The following EP400 variants were observed in gnomAD, a reference collection of about 807,000 sequenced individuals.
EP400 encodes E1A-binding protein p400.
A neutral mutation model predicts 354.1 loss-of-function variants in EP400; 105 were observed. The ratio of observed to expected loss-of-function variants is 0.30; its 90% CI spans 0.25 to 0.35. EP400 has a LOEUF of 0.35. EP400 is among the 10% of genes least tolerant of loss of function. The pLI, the probability that EP400 is intolerant of heterozygous loss-of-function variation, is 1.00. For missense variants in EP400, 3,280 were observed against 4,121.0 expected, an observed-to-expected ratio of 0.80 and a Z score of 5.59; for synonymous variants, 1,646 against 1,716.9, an observed-to-expected ratio of 0.96 and a Z score of 1.02.
chr12:132,064,741 C>T lies in EP400; in HGVS notation c.8408C>T (p.Ala2803Val), dbSNP rs375315669. Residue 2803 changes from alanine (A) to valine (V), a missense_variant, in exon 48 of 53, where the codon GCG becomes GTG. By Grantham distance (64) the Ala-to-Val change is moderately conservative (BLOSUM62 0). Around this residue, in one of 20 missense-constraint regions of EP400, gnomAD observed 86 missense variants for 66.4 expected, o/e 1.29. Coordinates refer to ENST00000389561, the MANE Select transcript of EP400 (RefSeq NM_015409.5). ...PQPPPPQAQS[A>V]PPQPTAQVQV... ...CCCCCACCGCCACAGGCCCAGTCTGCGCCCCCGCAGCCAACAGCCCAAGTG... is the reference window on the plus strand; with the variant it reads ...CCCCCACCGCCACAGGCCCAGTCTGTGCCCCCGCAGCCAACAGCCCAAGTG... 5.6e-5 allele frequency: 90 copies of T among 1,613,514 alleles called. No homozygotes were observed. Among genetic ancestry groups the T allele is most frequent in the Middle Eastern group, 3.3e-4 (2 of 6,076 alleles).
chr12:132,062,845 C>T (rs1054508383), intron 47 of EP400, 144 bp downstream of exon 47: 29 of 1,055,362 alleles, frequency 2.7e-5, no homozygotes, highest in Middle Eastern at 2.5e-4. Flanking sequence ...ACGCGTGCTT[C>T]GTTTTATTGG....
At chr12:131,952,730 G>A (rs1389351010) in intron 1 of EP400, among the ~76,000 whole-genome samples, 2 of 152,218 alleles carry the variant, frequency 1.3e-5, no homozygotes, top group Non-Finnish European at 1.5e-5. Context: ...GGAATTACAG[G>A]TTTGAGACAC....
chr12:132,053,111 C>G (rs377555564), intron 41 of EP400, 35 bp from the exon 42 acceptor site: 22 of 1,610,498 alleles, frequency 1.4e-5, no homozygotes, highest in Non-Finnish European at 1.9e-5. Context: ...TTAAAACTTG[C>G]CTGTATGTTT....
At chr12:132,034,484 G>A (rs1894627205) in intron 30 of EP400, among the ~76,000 whole-genome samples, 1 of 152,244 alleles carries the variant, frequency 6.6e-6, no homozygotes, top group Non-Finnish European at 1.5e-5. Context: ...ACACGGTTGG[G>A]TAAGGTGGTG....
intron 15 of EP400, among the ~76,000 whole-genome samples, chr12:132,010,377 A>G (rs1290953580): frequency 6.6e-6 from 1 of 152,014 alleles, no homozygotes; most frequent in Non-Finnish European, 1.5e-5. Flanking sequence ...GAGCCACTGC[A>G]TGCAGCCGGT....
intron 11 of EP400, among the ~76,000 whole-genome samples, chr12:131,993,109 ATT>A (rs1179731826): frequency 6.6e-6 from 1 of 152,110 alleles, no homozygotes; most frequent in Non-Finnish European, 1.5e-5. Flanking sequence ...TTGTGGTGGC[ATT>A]TTCAGGCCCC....
chr12:131,967,441 A>T (rs1021949616), intron 2 of EP400, among the ~76,000 whole-genome samples: 1 of 151,582 alleles, frequency 6.6e-6, no homozygotes, highest in African/African-American at 2.4e-5. Context: ...TAATCCCAGC[A>T]CTTTGGGAGG....
intron 12 of EP400, among the ~76,000 whole-genome samples, chr12:132,001,219 G>A (rs920053954): frequency 2.0e-5 from 3 of 152,014 alleles, no homozygotes; most frequent in Non-Finnish European, 2.9e-5. Flanking sequence ...GTCTGGCTGC[G>A]CTATTATTTA....
chr12:131,997,831 G>A (rs768329064), intron 12 of EP400, among the ~76,000 whole-genome samples: 4 of 152,122 alleles, frequency 2.6e-5, no homozygotes, highest in Non-Finnish European at 2.9e-5. Context: ...GTTGTCCACC[G>A]ATCAGCTATA....
rs1895939845 is a variant in EP400, at chr12:132,067,788, G to A, written c.8874+302G>A. ...TGCATGGCATTGGGACAGACACAGG[G>A]GGTGCAATTGCATGATGGGGGCCAG... is the stretch of plus-strand genomic sequence containing the variant. On this transcript the variant is annotated intron_variant, in intron 50 of 52. Coordinates refer to ENST00000389561, the MANE Select transcript of EP400 (RefSeq NM_015409.5). This position sits in a 1 kb window ranked among gnomAD's most constrained non-coding sequence, Gnocchi z 5.3. Among the ~76,000 whole-genome samples, 1 of 151,858 alleles carries A rather than the reference G, an allele frequency of 6.6e-6. No homozygotes were observed. The highest frequency in any genetic ancestry group is 2.1e-4 in the South Asian group (1 of 4,814).
At chr12:132,072,171 G>C (rs1393623070) in intron 51 of EP400, among the ~76,000 whole-genome samples, 1 of 152,184 alleles carries the variant, frequency 6.6e-6, no homozygotes, top group Non-Finnish European at 1.5e-5. Flanking sequence ...GTGTTGCCCA[G>C]GGTGGCCTCG....
intron 16 of EP400, 94 bp downstream of exon 16, chr12:132,011,728 A>ACGCC: frequency 7.2e-7 from 1 of 1,392,628 alleles, no homozygotes; most frequent in Non-Finnish European, 9.6e-7. Flanking sequence ...ATGCTTATTC[A>ACGCC]TGGAATTATT....
At chr12:132,036,112 C>T (rs974658021) in intron 30 of EP400, among the ~76,000 whole-genome samples, 4 of 149,598 alleles carry the variant, frequency 2.7e-5, no homozygotes, top group African/African-American at 9.9e-5. Flanking sequence ...AAGGACACAC[C>T]CGGGTTCACA....
chr12:131,961,528 C>CGGGGCTGGG lies in EP400; in HGVS notation c.912_920dup (p.Gly306_Ala308dup), dbSNP rs1566161465. ...AGAGGACACCCGGCGTGCTGCTCCC[C>CGGGGCTGGG]GGGGCTGGGGGCGCAGCGGGGTTTG... On this transcript the variant is annotated inframe_insertion, in exon 2 of 53. Transcript: ENST00000389561. 1 of 1,573,056 alleles carries CGGGGCTGGG rather than the reference C, an allele frequency of 6.4e-7. No homozygotes were observed. The highest frequency in any genetic ancestry group is 8.6e-7 in the Non-Finnish European group (1 of 1,158,252).
chr12:131,986,379 T>C (rs979601244), intron 5 of EP400, 135 bp from the exon 6 acceptor site: 1 of 794,516 alleles, frequency 1.3e-6, no homozygotes, highest in Admixed American at 2.6e-5. Context: ...ACGATGTGAT[T>C]TGTCTGCTTG....
chr12:132,004,972 C>T (rs1893531349), intron 12 of EP400, 105 bp from the exon 13 acceptor site: 5 of 784,956 alleles, frequency 6.4e-6, no homozygotes, highest in South Asian at 4.4e-5. Context: ...TGAGAGGGAG[C>T]CCCTTGCCCT....
At chr12:132,058,117 G>T (rs1895573764) in intron 45 of EP400, among the ~76,000 whole-genome samples, 1 of 151,816 alleles carries the variant, frequency 6.6e-6, no homozygotes, top group Non-Finnish European at 1.5e-5. Context: ...GTCATCCACA[G>T]AACTGGCCCT....
chr12:132,048,110 C>A (rs951519947), intron 39 of EP400, among the ~76,000 whole-genome samples: 1 of 152,112 alleles, frequency 6.6e-6, no homozygotes, highest in African/African-American at 2.4e-5. Context: ...TCATATTGTT[C>A]AAACACACAT....
In EP400 at chr12:131,989,949, AC is replaced by A. The variant is rs1566175617; in HGVS notation, c.2410-14del. Reference sequence around the variant, plus strand: ...ATAGAGTACAACATACAATTCTTGCACTTTTATTCACCAGCTCGTTAGAACT... The same window carrying A: ...ATAGAGTACAACATACAATTCTTGCATTTTATTCACCAGCTCGTTAGAACT... On this transcript the variant is annotated splice_polypyrimidine_tract_variant and intron_variant, in intron 7 of 52. Transcript: ENST00000389561. The A allele has an allele frequency of 6.2e-7, 1 of 1,612,640 alleles. No individual in the cohort carries two copies. The highest frequency in any genetic ancestry group is 1.1e-5 in the South Asian group (1 of 90,830).
Sources: gnomAD v4.1 joint callset for allele counts (sites outside exome capture counted in the v4.1 genomes callset) on GRCh38, gnomAD v4.1.1 for gene constraint, gnomAD v4.1.1 regional missense constraint, Gnocchi (gnomAD v3.1) non-coding constraint, MANE v1.5 for transcripts, NCBI Gene and HGNC (gene_info 2026-07-23, HGNC 2026-07-21) for gene names.